WAPL: variants seen among roughly 807,000 people sequenced by gnomAD.
The protein encoded by WAPL is WAPL cohesin release factor.
In WAPL, 5 loss-of-function variants were observed where a neutral mutation model predicts 121.0. The ratio of observed to expected loss-of-function variants is 0.04; its 90% CI spans 0.02 to 0.09. The LOEUF (loss-of-function observed/expected upper bound fraction) is 0.09. WAPL is among the 10% of genes least tolerant of loss of function. The pLI is 1.00. For missense variants in WAPL, 999 were observed against 1,410.8 expected (o/e 0.71, Z 4.68); for synonymous variants, 480 against 481.5 (o/e 1.00, Z 0.04).
chr10:86,481,381 A>T (rs539274635), intron 4 of WAPL, among the ~76,000 whole-genome samples: 31 of 151,548 alleles, frequency 2.0e-4, no homozygotes, highest in Middle Eastern at 3.4e-3. Context: ...GAAAAAAAAA[A>T]TTTTTTTTTG....
intron 15 of WAPL, among the ~76,000 whole-genome samples, chr10:86,449,381 C>T (rs954913205): frequency 6.6e-6 from 1 of 152,108 alleles, no homozygotes; most frequent in Admixed American, 6.5e-5. Context: ...GAACCCATCA[C>T]CCAAAAGGTA....
At chr10:86,485,297 C>T (rs1235915307) in intron 4 of WAPL, among the ~76,000 whole-genome samples, 2 of 152,060 alleles carry the variant, frequency 1.3e-5, no homozygotes, top group African/African-American at 2.4e-5. Flanking sequence ...AATCCCAGCA[C>T]ATTGGGAGGC....
rs1849583837 is a variant in WAPL at position 86,445,422 on chromosome 10, T to C, written c.3322+820A>G. The stretch of plus-strand genomic sequence containing the variant: ...AACCTTAGTGATACAAAGTTACAAA[T>C]GGCTATTTTGCAGAACTTGTATAAA... On this transcript the variant is annotated intron_variant, in intron 16 of 18. Coordinates refer to ENST00000298767, the MANE Select transcript of WAPL (RefSeq NM_015045.5). 1.3e-5 allele frequency among the ~76,000 whole-genome samples: 2 copies of C among 152,172 alleles called. 1 individual carries two copies. Among genetic ancestry groups the C allele is most frequent in the Admixed American group, 1.3e-4 (2 of 15,276 alleles).
intron 9 of WAPL, among the ~76,000 whole-genome samples, chr10:86,465,932 T>C (rs1254991403): frequency 6.6e-6 from 1 of 152,200 alleles, no homozygotes; most frequent in African/African-American, 2.4e-5. Flanking sequence ...AAACACTTAT[T>C]TTTTCTTTTT....
intron 17 of WAPL, among the ~76,000 whole-genome samples, chr10:86,442,029 CTT>C: frequency 6.7e-6 from 1 of 150,126 alleles, no homozygotes; most frequent in African/African-American, 2.5e-5. Context: ...ACAGCTTTTT[CTT>C]TTCTTCTTTT....
intron 15 of WAPL, 64 bp downstream of exon 15, chr10:86,451,903 T>C (rs549287748): frequency 3.5e-4 from 549 of 1,575,738 alleles, no homozygotes; most frequent in Non-Finnish European, 4.5e-4. Flanking sequence ...GTGCAAATGA[T>C]AAAAGAAATT....
intron 2 of WAPL, among the ~76,000 whole-genome samples, chr10:86,505,705 G>A (rs919472357): frequency 4.6e-5 from 7 of 152,024 alleles, no homozygotes; most frequent in Non-Finnish European, 7.3e-5. Context: ...TGAAAAGGAT[G>A]ACCACTAAAA....
intron 12 of WAPL, among the ~76,000 whole-genome samples, chr10:86,454,539 G>A (rs1405769931): frequency 6.6e-6 from 1 of 152,242 alleles, no homozygotes; most frequent in Admixed American, 6.5e-5. Flanking sequence ...CGCCACACCT[G>A]ACTGGTTTTT....
chr10:86,473,362 C>T (rs1841577575), intron 5 of WAPL, among the ~76,000 whole-genome samples: 1 of 152,082 alleles, frequency 6.6e-6, no homozygotes. Context: ...ATGACTGAAG[C>T]TTTACTGTTA....
At chr10:86,479,580 A>G (rs1841735302) in intron 4 of WAPL, among the ~76,000 whole-genome samples, 1 of 152,246 alleles carries the variant, frequency 6.6e-6, no homozygotes, top group Non-Finnish European at 1.5e-5. Context: ...TTTAAGCCAT[A>G]AATACTTTAT....
chr10:86,486,058 C>G (rs1043801128), intron 4 of WAPL, among the ~76,000 whole-genome samples: 2 of 152,202 alleles, frequency 1.3e-5, no homozygotes, highest in Non-Finnish European at 2.9e-5. Context: ...TTTCCCTCAT[C>G]ACCAATCCAA....
At chr10:86,479,063 CA>C (rs1412325970) in intron 4 of WAPL, among the ~76,000 whole-genome samples, 4 of 152,026 alleles carry the variant, frequency 2.6e-5, no homozygotes, top group South Asian at 4.2e-4. Context: ...TGCACCACTG[CA>C]CTACAGCCTG....
At chr10:86,444,307 C>T (rs1056259784) in intron 16 of WAPL, among the ~76,000 whole-genome samples, 1 of 152,172 alleles carries the variant, frequency 6.6e-6, no homozygotes, top group Non-Finnish European at 1.5e-5. Context: ...AATGTTAAAA[C>T]ACACAGTTAC....
Position 86,472,254 on chromosome 10 carries a change from A to G in WAPL, c.1984T>C (p.Leu662=). The change falls in exon 7 of 19, where the codon TTA becomes CTA. Residue 662 remains leucine (L), a synonymous_variant. Transcript: ENST00000298767. The surrounding 1 kb of genome is among the most constrained non-coding windows in gnomAD (Gnocchi z 4.2). Reference sequence around the variant, plus strand: ...GGCTGAGTGCTCTTTAAGCCACTTAACAAGTACTCAATGTCATCAGTGAAC... The same window carrying G: ...GGCTGAGTGCTCTTTAAGCCACTTAGCAAGTACTCAATGTCATCAGTGAAC... ...QEFTDDIEYL[L]SGLKSTQPLN... 6.3e-7 allele frequency: 1 copy of G among 1,599,898 alleles called. No homozygotes were observed. The highest frequency in any genetic ancestry group is 8.5e-7 in the Non-Finnish European group (1 of 1,176,888).
chr10:86,509,999 C>T (rs766758310), intron 2 of WAPL, among the ~76,000 whole-genome samples: 1 of 149,020 alleles, frequency 6.7e-6, no homozygotes, highest in African/African-American at 2.5e-5. Flanking sequence ...CTGCTGACCT[C>T]GTGATCCGCC....
intron 8 of WAPL, among the ~76,000 whole-genome samples, chr10:86,469,812 A>G (rs1383298333): frequency 6.6e-6 from 1 of 152,202 alleles, no homozygotes; most frequent in Non-Finnish European, 1.5e-5. Context: ...TGTAAAGGCC[A>G]TGGGGGATCC....
intron 16 of WAPL, chr10:86,443,742 C>T (rs968074096): frequency 1.6e-5 from 3 of 184,952 alleles, no homozygotes; most frequent in Non-Finnish European, 1.1e-5. Context: ...GGGCAAAGGG[C>T]CAGGCGTGGT....
chr10:86,476,380 TGTAA>T (rs1426272457), intron 4 of WAPL, among the ~76,000 whole-genome samples: 1 of 136,272 alleles, frequency 7.3e-6, no homozygotes, highest in Non-Finnish European at 1.6e-5. Context: ...ATTAAAACAC[TGTAA>T]GAGTGCCTGA....
At position 86,505,300 on chromosome 10, in the gene WAPL, C is replaced by CTTTTTTTTTTTTTTTTTTTTTTTTTT. The variant is rs531404303; in HGVS notation, c.500-4558_500-4557insAAAAAAAAAAAAAAAAAAAAAAAAAA. Among the ~76,000 whole-genome samples, 18 of 44,644 alleles carry CTTTTTTTTTTTTTTTTTTTTTTTTTT rather than the reference C, an allele frequency of 4.0e-4. 2 individuals carry two copies. Among genetic ancestry groups the CTTTTTTTTTTTTTTTTTTTTTTTTTT allele is most frequent in the Non-Finnish European group, 4.9e-4 (12 of 24,342 alleles). 29.3% of individuals were successfully genotyped at this position (44,644 alleles called of 152,430 possible). Reference sequence around the variant, plus strand: ...CAAGCTTCAGCCACAGTGCCCAACTCTTTTTTTTTTTTTTTTTTTTTTTTT... The same window carrying CTTTTTTTTTTTTTTTTTTTTTTTTTT: ...CAAGCTTCAGCCACAGTGCCCAACTCTTTTTTTTTTTTTTTTTTTTTTTTTTTTTTTTTTTTTTTTTTTTTTTTTTT... On this transcript the variant is annotated intron_variant, in intron 2 of 18. Coordinates refer to ENST00000298767, the MANE Select transcript of WAPL (RefSeq NM_015045.5).
Sources: gnomAD v4.1 joint callset for allele counts (sites outside exome capture counted in the v4.1 genomes callset) on GRCh38, gnomAD v4.1.1 for gene constraint, Gnocchi (gnomAD v3.1) non-coding constraint, MANE v1.5 for transcripts, NCBI Gene and HGNC (gene_info 2026-07-23, HGNC 2026-07-21) for gene names.